Variants in GCC2 observed in about 807,000 individuals in gnomAD.
GCC2 encodes GRIP and coiled-coil domain-containing protein 2.
Under a neutral mutation model 210.6 loss-of-function variants are expected in GCC2, and 120 were observed. The observed-to-expected ratio is 0.57, with a 90% confidence interval of 0.49 to 0.66. The LOEUF is 0.66. Among genes scored for constraint, GCC2 ranks in the 30% least tolerant of loss-of-function variants. The pLI is 0.00. For missense variants in GCC2, 1,868 were observed against 1,871.9 expected (o/e 1.00, Z 0.04); for synonymous variants, 703 against 652.7 (o/e 1.08, Z -1.17).
rs1230400164 is a variant in GCC2 at position 108,449,247 on chromosome 2, G to A, written c.-28G>A. 2.6e-6 allele frequency: 4 copies of A among 1,548,842 alleles called. No homozygotes were observed. Among genetic ancestry groups the A allele is most frequent in the Non-Finnish European group, 3.5e-6 (4 of 1,145,050 alleles). ...AGAAGTGCAGCGGTGGCGGCGGCTG[G>A]TTGCGGGCCGGCGGCGGGCTGGCGG... On this transcript the variant is annotated 5_prime_UTR_variant, in exon 1 of 23. Coordinates refer to ENST00000309863, the MANE Select transcript of GCC2 (RefSeq NM_181453.4).
Position 108,484,218 on chromosome 2 carries a change from C to G in GCC2, c.3520C>G (p.Gln1174Glu). Residue 1174 changes from glutamine to glutamate, a missense_variant, in exon 13 of 23, where the codon CAA becomes GAA. This residue lies in a region of GCC2 where 1,847 missense variants were observed against 1,765.2 expected (regional missense o/e 1.05). Coordinates refer to ENST00000309863, the MANE Select transcript of GCC2 (RefSeq NM_181453.4). ...TGAACGTTTGATGAAAGAACTAAAT[C>G]AAAAGTTAACTAATAAAAACAACAA... ...DYERLMKELN[Q>E]KLTNKNNKIE... is the part of the protein sequence containing the mutation. 3 of 1,584,134 alleles carry G rather than the reference C, an allele frequency of 1.9e-6. No homozygotes were observed. The highest frequency in any genetic ancestry group is 2.6e-6 in the Non-Finnish European group (3 of 1,164,468).
At chr2:108,501,396 A>G (rs1371347933) in intron 22 of GCC2, among the ~76,000 whole-genome samples, 4 of 152,108 alleles carry the variant, frequency 2.6e-5, no homozygotes, top group Non-Finnish European at 5.9e-5. Flanking sequence ...TTGGGTTTTA[A>G]TCATTACAGG....
chr2:108,453,509 A>G (rs1680071864), intron 4 of GCC2, among the ~76,000 whole-genome samples: 1 of 152,112 alleles, frequency 6.6e-6, no homozygotes, highest in Non-Finnish European at 1.5e-5. Flanking sequence ...TGCAGGCCAA[A>G]TGCAGTGGCT....
rs911544223 is a variant in GCC2, at chr2:108,507,744, A to G, written c.*114A>G. The G allele has an allele frequency of 8.1e-5, 60 of 737,328 alleles. No individual in the cohort carries two copies. Among genetic ancestry groups the G allele is most frequent in the Middle Eastern group, 7.5e-4 (3 of 4,002 alleles). The allele number at this position is 737,328 out of a possible 1,614,324, so 45.7% of individuals were successfully genotyped here. A position where few individuals can be genotyped will look rare whatever the true frequency, so the allele number is the denominator to read the frequency against. On this transcript the variant is annotated 3_prime_UTR_variant, in exon 23 of 23. Transcript: ENST00000309863. ...TGTGTATATATGTTTGCATCTACAT[A>G]TATTTGTACATCTATATGACAGATG...
At position 108,483,069 on chromosome 2, in the gene GCC2, C is replaced by A. The variant is rs772479486; in HGVS notation, c.3353C>A (p.Ala1118Asp). The change falls in exon 12 of 23, where the codon GCC becomes GAC. Residue 1118 changes from alanine (A) to aspartate (D), a missense_variant. By Grantham distance (126) the Ala-to-Asp change is moderately radical. This residue lies in a region of GCC2 where 1,847 missense variants were observed against 1,765.2 expected (regional missense o/e 1.05). Transcript: ENST00000309863. Reference protein sequence around the residue: ...LQKEQKIKEHATTVNELEELQ... With the variant: ...LQKEQKIKEHDTTVNELEELQ... ...TTTTATTTTTAATTTCAGGAACATGCCACTACTGTAAATGAACTTGAAGAA... is the reference window on the plus strand; with the variant it reads ...TTTTATTTTTAATTTCAGGAACATGACACTACTGTAAATGAACTTGAAGAA... The A allele has an allele frequency of 1.1e-5, 17 of 1,528,396 alleles. No homozygotes were observed. Among genetic ancestry groups the A allele is most frequent in the Non-Finnish European group, 1.5e-5 (16 of 1,102,776 alleles). 94.7% of individuals were successfully genotyped at this position (1,528,396 alleles called of 1,614,324 possible).
chr2:108,449,852 C>T, intron 2 of GCC2, 163 bp downstream of exon 2: 3 of 594,518 alleles, frequency 5.0e-6, no homozygotes, highest in Non-Finnish European at 8.9e-6. Flanking sequence ...TCCTGTTTCT[C>T]CCCCGCCCAC....
At position 108,469,559 on chromosome 2, in the gene GCC2, C is replaced by T; in HGVS notation, c.322-92C>T. On this transcript the variant is annotated intron_variant, in intron 5 of 22. Coordinates refer to ENST00000309863, the MANE Select transcript of GCC2 (RefSeq NM_181453.4). The stretch of plus-strand genomic sequence containing the variant: ...TACATTTCTGCTCATTTACTTTTCT[C>T]TCTACTTAGCTTGTGGCTAATATTT... 4 of 811,984 alleles carry T rather than the reference C, an allele frequency of 4.9e-6. No homozygotes were observed. In the South Asian group the frequency reaches 5.6e-5, roughly 11 times the overall value. 50.3% of individuals were successfully genotyped at this position (811,984 alleles called of 1,614,324 possible).
chr2:108,479,593 G>C (rs532253081), intron 9 of GCC2, among the ~76,000 whole-genome samples: 2 of 152,014 alleles, frequency 1.3e-5, no homozygotes, highest in African/African-American at 4.8e-5. Context: ...GTGAGCTGAG[G>C]TTGCGCCACT....
intron 22 of GCC2, among the ~76,000 whole-genome samples, chr2:108,502,169 G>A (rs568680651): frequency 6.6e-6 from 1 of 152,148 alleles, no homozygotes; most frequent in Admixed American, 6.5e-5. Context: ...TAATTTTATA[G>A]TTATAAAATC....
Position 108,475,828 on chromosome 2 carries a change from T to A in GCC2, c.3038T>A (p.Ile1013Asn). The change falls in exon 9 of 23, where the codon ATT (isoleucine) becomes AAT (asparagine). Residue 1013 changes from isoleucine to asparagine, a missense_variant. Physicochemically the swap from Ile to Asn is moderately radical, Grantham distance 149 (BLOSUM62 -3). This residue lies in a region of GCC2 where 1,847 missense variants were observed against 1,765.2 expected (regional missense o/e 1.05). Transcript: ENST00000309863. Reference sequence around the variant, plus strand: ...TTATCTGCTTCCATGAGAGATCTCATTCAAGGAGCAGAAAGCTATAAGGTA... The same window carrying A: ...TTATCTGCTTCCATGAGAGATCTCAATCAAGGAGCAGAAAGCTATAAGGTA... ...DQLSASMRDL[I>N]QGAESYKNLL... The A allele has an allele frequency of 1.3e-6, 2 of 1,582,848 alleles. No homozygotes were observed. Among genetic ancestry groups the A allele is most frequent in the Non-Finnish European group, 1.7e-6 (2 of 1,162,124 alleles).
Position 108,471,934 on chromosome 2 carries a change from GAAAAAACAAGGCTTGA to G in GCC2, c.2609_2624del (p.Lys870IlefsTer5). On this transcript the variant is annotated frameshift_variant, in exon 6 of 23. Transcript: ENST00000309863. LOFTEE classifies it high-confidence loss of function. Reference sequence around the variant, plus strand: ...TCTTCTAGAAATGAAGAATGCTAATGAAAAAACAAGGCTTGAAAATCAGAATCTTTTAATTCAAGTT... The same window carrying G: ...TCTTCTAGAAATGAAGAATGCTAATGAAATCAGAATCTTTTAATTCAAGTT... 1.2e-6 allele frequency: 2 copies of G among 1,601,878 alleles called. No individual in the cohort carries two copies. The highest frequency in any genetic ancestry group is 1.7e-6 in the Non-Finnish European group (2 of 1,176,842).
chr2:108,491,785 A>T (rs2718732), intron 18 of GCC2, among the ~76,000 whole-genome samples: 78,586 of 146,074 alleles, frequency 0.54, 21,298 homozygotes, highest in East Asian at 0.86. Context: ...TTATTTATTT[A>T]TTTTTTTTAC....
Position 108,489,934 on chromosome 2 carries a change from G to C in GCC2, c.4149G>C (p.Gln1383His), listed in dbSNP as rs1280481528. 1 of 1,612,042 alleles carries C rather than the reference G, an allele frequency of 6.2e-7. No homozygotes were observed. Among genetic ancestry groups the C allele is most frequent in the Non-Finnish European group, 8.5e-7 (1 of 1,179,110 alleles). ...ATGTATCTGAACTTCAAACATTGCAGTCTGAACATGATACACTGCTAGAAA... is the reference window on the plus strand; with the variant it reads ...ATGTATCTGAACTTCAAACATTGCACTCTGAACATGATACACTGCTAGAAA... ...QINVSELQTL[Q>H]SEHDTLLERH... Residue 1383 changes from glutamine (Q) to histidine (H), a missense_variant, in exon 18 of 23, where the codon CAG (glutamine) becomes CAC (histidine). Gln to His is a conservative substitution (Grantham distance 24). Transcript: ENST00000309863.
chr2:108,469,415 C>G (rs575622034), intron 5 of GCC2: 11 of 442,080 alleles, frequency 2.5e-5, no homozygotes, highest in Non-Finnish European at 4.0e-5. Context: ...CTATTTCTTG[C>G]CTATTAGGTC....
In GCC2 at chr2:108,481,768, G is replaced by A. The variant is rs748897129; in HGVS notation, c.3132G>A (p.Glu1044=). 6.2e-7 allele frequency: 1 copy of A among 1,603,998 alleles called. No individual in the cohort carries two copies. Among genetic ancestry groups the A allele is most frequent in the South Asian group, 1.1e-5 (1 of 89,438 alleles). ...DVEKERANNF[E]HRIEDLTRQL... ...AAAAAGAACGTGCTAATAATTTTGA[G>A]CATCGTATTGAAGACCTTACAAGAC... Residue 1044 remains glutamate (E), a synonymous_variant, in exon 10 of 23, where the codon GAG becomes GAA. Coordinates refer to ENST00000309863, the MANE Select transcript of GCC2 (RefSeq NM_181453.4).
At chr2:108,464,432 GC>G (rs1404541464) in intron 4 of GCC2, among the ~76,000 whole-genome samples, 2 of 152,224 alleles carry the variant, frequency 1.3e-5, no homozygotes, top group African/African-American at 4.8e-5. Flanking sequence ...AAACTCAGGG[GC>G]TTGTGGGGAC....
At chr2:108,453,752 TC>T (rs1282110143) in intron 4 of GCC2, among the ~76,000 whole-genome samples, 2 of 148,954 alleles carry the variant, frequency 1.3e-5, no homozygotes, top group Non-Finnish European at 3.0e-5. Context: ...GCCACTGTAC[TC>T]CAGCCTGGGC....
In GCC2 at chr2:108,471,982, G is replaced by T; in HGVS notation, c.2653G>T (p.Val885Leu). 1 of 1,603,236 alleles carries T rather than the reference G, an allele frequency of 6.2e-7. No individual in the cohort carries two copies. The highest frequency in any genetic ancestry group is 8.5e-7 in the Non-Finnish European group (1 of 1,176,878). The change falls in exon 6 of 23, where the codon GTA (valine) becomes TTA (leucine). Residue 885 changes from valine (V) to leucine (L), a missense_variant. Val to Leu is a conservative substitution (Grantham distance 32). This residue lies in a region of GCC2 where 1,847 missense variants were observed against 1,765.2 expected (regional missense o/e 1.05). Transcript: ENST00000309863. ...NQNLLIQVEEVSQTCSKSEIH... is the reference protein window; with the variant it reads ...NQNLLIQVEELSQTCSKSEIH... ...GAATCTTTTAATTCAAGTTGAAGAAGTATCTCAAACATGTAGCAAAAGTGA... is the reference window on the plus strand; with the variant it reads ...GAATCTTTTAATTCAAGTTGAAGAATTATCTCAAACATGTAGCAAAAGTGA...
At chr2:108,455,265 C>A (rs892934643) in intron 4 of GCC2, among the ~76,000 whole-genome samples, 1 of 152,090 alleles carries the variant, frequency 6.6e-6, no homozygotes, top group African/African-American at 2.4e-5. Context: ...CTTGGTGAAA[C>A]CCCATCTCTA....
Sources: gnomAD v4.1 joint callset for allele counts (sites outside exome capture counted in the v4.1 genomes callset) on GRCh38, gnomAD v4.1.1 for gene constraint, gnomAD v4.1.1 regional missense constraint, MANE v1.5 for transcripts, NCBI Gene and HGNC (gene_info 2026-07-23, HGNC 2026-07-21) for gene names.